The following MYRF variants were observed in gnomAD, a reference collection of about 807,000 sequenced individuals.
The protein encoded by MYRF is myelin regulatory factor, also known as myelin gene regulatory factor.
In MYRF, 16 loss-of-function variants were observed where a neutral mutation model predicts 126.3. That is an observed-to-expected ratio of 0.13 (90% CI 0.09 to 0.19). MYRF has a LOEUF of 0.19. MYRF is among the 10% of genes least tolerant of loss of function. The probability of loss-of-function intolerance (pLI) is 1.00; values close to 1 mark genes in which losing one functional copy is unlikely to be tolerated. For missense variants in MYRF, 1,104 were observed against 1,547.0 expected (o/e 0.71, Z 4.80); for synonymous variants, 608 against 635.3 (o/e 0.96, Z 0.65).
Position 61,757,797 on chromosome 11 carries a change from A to G in MYRF, c.46+5007A>G. 1 of 331,526 alleles carries G rather than the reference A, an allele frequency of 3.0e-6. No homozygotes were observed. The highest frequency in any genetic ancestry group is 6.0e-6 in the Non-Finnish European group (1 of 166,604). 20.5% of individuals were successfully genotyped at this position (331,526 alleles called of 1,614,324 possible). A position where few individuals can be genotyped will look rare whatever the true frequency, so the allele number is the denominator to read the frequency against. Reference sequence around the variant, plus strand: ...GTGGAAGCGTGGGTGACGGCCTCCCATTTCTGAGGGGGACTGTGAGGCAGG... The same window carrying G: ...GTGGAAGCGTGGGTGACGGCCTCCCGTTTCTGAGGGGGACTGTGAGGCAGG... On this transcript the variant is annotated intron_variant, in intron 1 of 26. Transcript: ENST00000278836. This position sits in a 1 kb window ranked among gnomAD's most constrained non-coding sequence, Gnocchi z 4.7.
At position 61,780,944 on chromosome 11, in the gene MYRF, C is replaced by T. The variant is rs988204943; in HGVS notation, c.2487-16C>T. 1.9e-6 allele frequency: 3 copies of T among 1,608,936 alleles called. No individual in the cohort carries two copies. Among genetic ancestry groups the T allele is most frequent in the Non-Finnish European group, 2.5e-6 (3 of 1,179,854 alleles). On this transcript the variant is annotated splice_polypyrimidine_tract_variant and intron_variant, in intron 19 of 26. Transcript: ENST00000278836. ...TCTCCCAGCCCCTCTGAGCTCAGCC[C>T]ATCCTTCCCCAGCAGGTCCAGCCAG...
In MYRF at chr11:61,756,038, C is replaced by T. The variant is rs527948625; in HGVS notation, c.46+3248C>T. Among the ~76,000 whole-genome samples, 5 of 152,308 alleles carry T rather than the reference C, an allele frequency of 3.3e-5. No homozygotes were observed. In the South Asian group the frequency reaches 1.0e-3, roughly 32 times the overall value. The stretch of plus-strand genomic sequence containing the variant: ...CCCAGGGTAAGTAAGTGGGTTGGAC[C>T]AGAGCAGGGGCTTCCAATGTGATTT... On this transcript the variant is annotated intron_variant, in intron 1 of 26. Transcript: ENST00000278836.
Position 61,777,506 on chromosome 11 carries a change from GA to G in MYRF, c.1791+43del. The G allele has an allele frequency of 6.5e-7, 1 of 1,538,922 alleles. No homozygotes were observed. The highest frequency in any genetic ancestry group is 8.8e-7 in the Non-Finnish European group (1 of 1,136,440). ...GGGGGCCGGGCGGGTCCAGACGCTG[GA>G]GCGGGCCGCGGGGGCGGGGCTCCTG... On this transcript the variant is annotated intron_variant, in intron 12 of 26. Transcript: ENST00000278836. The surrounding 1 kb of genome is among the most constrained non-coding windows in gnomAD (Gnocchi z 8.8).
In MYRF at chr11:61,778,375, C is replaced by T. The variant is rs1229935100; in HGVS notation, c.1904-5C>T. The T allele has an allele frequency of 1.9e-6, 3 of 1,609,568 alleles. No homozygotes were observed. Among genetic ancestry groups the T allele is most frequent in the Non-Finnish European group, 1.7e-6 (2 of 1,175,964 alleles). On this transcript the variant is annotated splice_polypyrimidine_tract_variant and splice_region_variant and intron_variant, in intron 13 of 26. Coordinates refer to ENST00000278836, the MANE Select transcript of MYRF (RefSeq NM_001127392.3). The surrounding 1 kb of genome is among the most constrained non-coding windows in gnomAD (Gnocchi z 4.6). ...ACCCATCTTTGGCTTGTCCCCTGCC[C>T]CCAGGTGTCATCGCTCAGGAGGTGA... is the stretch of plus-strand genomic sequence containing the variant.
At position 61,781,573 on chromosome 11, in the gene MYRF, G is replaced by T; in HGVS notation, c.2765G>T (p.Gly922Val). 1 of 1,613,240 alleles carries T rather than the reference G, an allele frequency of 6.2e-7. No homozygotes were observed. Among genetic ancestry groups the T allele is most frequent in the Non-Finnish European group, 8.5e-7 (1 of 1,179,768 alleles). The change falls in exon 22 of 27, where the codon GGC becomes GTC. Residue 922 changes from glycine (G) to valine (V), a missense_variant and splice_region_variant. Gly to Val is a moderately radical substitution (Grantham distance 109, BLOSUM62 -3). This residue lies in a region of MYRF where 323 missense variants were observed against 383.1 expected (regional missense o/e 0.84). Transcript: ENST00000278836. ...AGCCTGTGCCTGGTTCTATCCACAG[G>T]CCCCAGCCAGATGGCCCTTCTGCCA... is the stretch of plus-strand genomic sequence containing the variant. Reference protein sequence around the residue: ...PSPSPSTNRSGPSQMALLPVT... With the variant: ...PSPSPSTNRSVPSQMALLPVT...
Position 61,776,364 on chromosome 11 carries a change from G to A in MYRF, c.1431G>A (p.Gly477=). 1 of 1,613,318 alleles carries A rather than the reference G, an allele frequency of 6.2e-7. No individual in the cohort carries two copies. The highest frequency in any genetic ancestry group is 8.5e-7 in the Non-Finnish European group (1 of 1,179,902). The change falls in exon 10 of 27, where the codon GGG becomes GGA. Residue 477 remains glycine (G), a synonymous_variant. Transcript: ENST00000278836. This position sits in a 1 kb window ranked among gnomAD's most constrained non-coding sequence, Gnocchi z 4.3. ...AGCAGGTCACGAAGGTGACTGTGGG[G>A]CGGCTGCACTTCAGCGAGACCACCG... ...PPEQVTKVTV[G]RLHFSETTAN...
Position 61,786,244 on chromosome 11 carries a change from C to T in MYRF, c.*101C>T, listed in dbSNP as rs2066692698. 2 of 1,123,578 alleles carry T rather than the reference C, an allele frequency of 1.8e-6. No individual in the cohort carries two copies. The highest frequency in any genetic ancestry group is 2.6e-6 in the Non-Finnish European group (2 of 755,590). The allele number at this position is 1,123,578 out of a possible 1,614,324, so 69.6% of individuals were successfully genotyped here. A position where few individuals can be genotyped will look rare whatever the true frequency, so the allele number is the denominator to read the frequency against. ...TACACTGGAGCCCGCTGCAGGCCAG[C>T]TCTGCTGTTCACTGGCCCTACCCGA... On this transcript the variant is annotated 3_prime_UTR_variant, in exon 27 of 27. Transcript: ENST00000278836. This position sits in a 1 kb window ranked among gnomAD's most constrained non-coding sequence, Gnocchi z 4.5.
Position 61,786,422 on chromosome 11 carries a change from A to G in MYRF, c.*279A>G, listed in dbSNP as rs193274536. 131 of 480,464 alleles carry G rather than the reference A, an allele frequency of 2.7e-4. 1 individual carries two copies. The highest frequency in any genetic ancestry group is 2.5e-3 in the African/African-American group (127 of 51,676). 29.8% of individuals were successfully genotyped at this position (480,464 alleles called of 1,614,324 possible). On this transcript the variant is annotated 3_prime_UTR_variant, in exon 27 of 27. Coordinates refer to ENST00000278836, the MANE Select transcript of MYRF (RefSeq NM_001127392.3). The surrounding 1 kb of genome is among the most constrained non-coding windows in gnomAD (Gnocchi z 4.5). ...ACAGGACCAGTTTACCTCTTTCCAG[A>G]TATGGTGGTTGGAGGGCTGGTTCAG... is the stretch of plus-strand genomic sequence containing the variant.
At chr11:61,765,853 A>T in intron 2 of MYRF, 105 bp from the exon 3 acceptor site, 1 of 1,439,976 alleles carries the variant, frequency 6.9e-7, no homozygotes, top group Non-Finnish European at 9.3e-7. Context: ...CTTCCCAGCC[A>T]CTGACTCCTC....
chr11:61,755,176 GCCCCCTCACCTGACGTGGT>G (rs2065712571), intron 1 of MYRF, among the ~76,000 whole-genome samples: 1 of 152,150 alleles, frequency 6.6e-6, no homozygotes, highest in Non-Finnish European at 1.5e-5. Flanking sequence ...AGCACAGCGC[GCCCCCTCACCTGACGTGGT>G]CCCCCTCCCT....
chr11:61,761,833 G>A (rs2065909667), intron 1 of MYRF, among the ~76,000 whole-genome samples: 1 of 152,276 alleles, frequency 6.6e-6, no homozygotes, highest in African/African-American at 2.4e-5. Context: ...CTACCTTGTA[G>A]GTTGGGATGA....
intron 7 of MYRF, among the ~76,000 whole-genome samples, 155 bp downstream of exon 7, chr11:61,772,107 G>A (rs1027003042): frequency 3.9e-5 from 6 of 152,136 alleles, no homozygotes; most frequent in Admixed American, 6.5e-5. Context: ...GGCAGTCAGG[G>A]CTCCTGACTC....
chr11:61,763,601 C>G (rs1049663763), intron 1 of MYRF, among the ~76,000 whole-genome samples: 4 of 152,234 alleles, frequency 2.6e-5, no homozygotes, highest in Non-Finnish European at 5.9e-5. Context: ...TGGTGGCTCA[C>G]GCCTGTAATC....
intron 5 of MYRF, 97 bp downstream of exon 5, chr11:61,770,622 C>G: frequency 1.6e-6 from 2 of 1,225,802 alleles, no homozygotes; most frequent in Non-Finnish European, 2.2e-6. Context: ...AGGTAGGGAC[C>G]GGGATGCACC....
At chr11:61,769,186 C>T (rs866706376) in intron 3 of MYRF, 74 bp from the exon 4 acceptor site, 28 of 875,556 alleles carry the variant, frequency 3.2e-5, no homozygotes, top group South Asian at 1.5e-4. Context: ...GACCCTACCA[C>T]GCAGAGAAGC....
chr11:61,765,984 C>T lies in MYRF; in HGVS notation c.161C>T (p.Ala54Val). ...TGCTTCCCTGACATCTCTGCTCCAG[C>T]CAGCTCGGCCTCCTACTCCCACGGG... ...DLCFPDISAP[A>V]SSASYSHGQP... Residue 54 changes from alanine to valine, a missense_variant, in exon 3 of 27, where the codon GCC becomes GTC. Ala to Val is a moderately conservative substitution (Grantham distance 64). Coordinates refer to ENST00000278836, the MANE Select transcript of MYRF (RefSeq NM_001127392.3). 1 of 1,552,094 alleles carries T rather than the reference C, an allele frequency of 6.4e-7. No homozygotes were observed. The highest frequency in any genetic ancestry group is 8.7e-7 in the Non-Finnish European group (1 of 1,151,252).
chr11:61,784,028 G>C, intron 24 of MYRF, 103 bp downstream of exon 24: 2 of 1,360,200 alleles, frequency 1.5e-6, no homozygotes, highest in African/African-American at 2.9e-5. Context: ...AGAGTCTCTG[G>C]TATTTCCTGC....
At chr11:61,758,673 G>A (rs1417135043) in intron 1 of MYRF, among the ~76,000 whole-genome samples, 5 of 152,204 alleles carry the variant, frequency 3.3e-5, no homozygotes, top group Non-Finnish European at 4.4e-5. Flanking sequence ...AGGCATGCTC[G>A]TACCTCAGGG....
intron 24 of MYRF, 120 bp downstream of exon 24, chr11:61,784,045 G>C: frequency 7.9e-7 from 1 of 1,259,064 alleles, no homozygotes. Context: ...CTGCATGGTG[G>C]GATAAGTGCT....
Sources: allele counts gnomAD v4.1 joint callset (sites outside exome capture counted in the v4.1 genomes callset), GRCh38; gene constraint gnomAD v4.1.1; regional missense constraint gnomAD v4.1.1; non-coding constraint Gnocchi (gnomAD v3.1); transcripts MANE v1.5; gene names NCBI Gene and HGNC (gene_info 2026-07-23, HGNC 2026-07-21).